Variants in TBC1D1 observed in about 807,000 individuals in gnomAD.
The protein encoded by TBC1D1 is TBC1 (tre-2/USP6, BUB2, cdc16) domain family, member 1.
A neutral mutation model predicts 125.6 loss-of-function variants in TBC1D1; 89 were observed. That is an observed-to-expected ratio of 0.71 (90% CI 0.60 to 0.85). The LOEUF (loss-of-function observed/expected upper bound fraction) is 0.85, where lower values mean the gene tolerates loss of function less well. Among genes scored for constraint, TBC1D1 ranks in the 40% least tolerant of loss-of-function variants. The pLI is 0.00. For synonymous variants in TBC1D1, 565 were observed against 564.1 expected (o/e 1.00, Z -0.02); for missense variants, 1,377 against 1,469.2 (o/e 0.94, Z 1.03).
At chr4:38,115,144 A>C (rs902821013) in intron 15 of TBC1D1, among the ~76,000 whole-genome samples, 2 of 140,368 alleles carry the variant, frequency 1.4e-5, no homozygotes, top group Non-Finnish European at 1.5e-5. Flanking sequence ...CTTGTCTCCC[A>C]GGCTGGAGTG....
chr4:37,986,823 A>C (rs1735568546), intron 2 of TBC1D1, among the ~76,000 whole-genome samples: 1 of 136,480 alleles, frequency 7.3e-6, no homozygotes, highest in Non-Finnish European at 1.6e-5. Flanking sequence ...AGGAAGCCTG[A>C]GTAGTCGGGT....
At chr4:38,062,634 C>T (rs1752978911) in intron 12 of TBC1D1, among the ~76,000 whole-genome samples, 2 of 151,540 alleles carry the variant, frequency 1.3e-5, no homozygotes, top group Admixed American at 1.3e-4. Context: ...CTGCGCCGCC[C>T]CCACACCCCA....
intron 2 of TBC1D1, among the ~76,000 whole-genome samples, chr4:37,934,817 A>G (rs1013820765): frequency 2.0e-5 from 3 of 152,160 alleles, no homozygotes; most frequent in Non-Finnish European, 2.9e-5. Context: ...TTGCTGCAGT[A>G]ACAAATGACC....
chr4:38,114,200 A>T (rs1762599905), intron 15 of TBC1D1, among the ~76,000 whole-genome samples: 1 of 152,182 alleles, frequency 6.6e-6, no homozygotes, highest in Non-Finnish European at 1.5e-5. Flanking sequence ...AACAGAGTGG[A>T]TAATTTGTTC....
At chr4:38,119,887 A>T (rs1415965565) in intron 17 of TBC1D1, 2 of 915,036 alleles carry the variant, frequency 2.2e-6, no homozygotes, top group East Asian at 2.4e-4. Context: ...GTCATCACTG[A>T]GTCATCTCTG....
chr4:37,938,065 TAG>T (rs1724767309), intron 2 of TBC1D1, among the ~76,000 whole-genome samples: 1 of 152,144 alleles, frequency 6.6e-6, no homozygotes, highest in African/African-American at 2.4e-5. Flanking sequence ...ATGTCTCTTG[TAG>T]AGAGTTCTGC....
intron 3 of TBC1D1, among the ~76,000 whole-genome samples, chr4:38,017,788 C>T (rs573766241): frequency 2.0e-5 from 3 of 152,092 alleles, no homozygotes; most frequent in East Asian, 3.9e-4. Context: ...CCTGCAGGGG[C>T]GTGTGCACAC....
intron 2 of TBC1D1, among the ~76,000 whole-genome samples, chr4:37,919,340 G>GTT (rs60078358): frequency 0.019 from 2,727 of 140,862 alleles, 34 homozygotes; most frequent in Middle Eastern, 0.043. Context: ...GTTTGTTTTT[G>GTT]TTTTTTTTTT....
In TBC1D1 at chr4:38,027,797, C is replaced by A. The variant is rs779404149; in HGVS notation, c.1220C>A (p.Ser407Tyr). The change falls in exon 7 of 20, where the codon TCT (serine) becomes TAT (tyrosine). Residue 407 changes from serine (S) to tyrosine (Y), a missense_variant. Coordinates refer to ENST00000261439, the MANE Select transcript of TBC1D1 (RefSeq NM_015173.4). ...TTTTTTCTCTTAATAGGAATGAATTCTTCCAAAACAAAACTAGAACTGCAA... is the reference window on the plus strand; with the variant it reads ...TTTTTTCTCTTAATAGGAATGAATTATTCCAAAACAAAACTAGAACTGCAA... 1.2e-5 allele frequency: 20 copies of A among 1,609,514 alleles called. No homozygotes were observed. The South Asian group carries it at 1.8e-4, about 14-fold the overall frequency.
intron 2 of TBC1D1, among the ~76,000 whole-genome samples, chr4:37,931,768 G>A (rs932722389): frequency 5.3e-5 from 8 of 152,236 alleles, no homozygotes; most frequent in Admixed American, 1.3e-4. Context: ...GAGCCACTGC[G>A]CCCGGCCTTT....
At chr4:38,011,117 C>A (rs150051872) in intron 2 of TBC1D1, among the ~76,000 whole-genome samples, 3 of 151,964 alleles carry the variant, frequency 2.0e-5, no homozygotes, top group Non-Finnish European at 4.4e-5. Context: ...TTTGGGAGGC[C>A]GAGGCGGGTG....
intron 13 of TBC1D1, among the ~76,000 whole-genome samples, chr4:38,095,015 G>C (rs1759095965): frequency 6.6e-6 from 1 of 152,096 alleles, no homozygotes; most frequent in Non-Finnish European, 1.5e-5. Context: ...CTGCAAGTGT[G>C]GGGGTCATTT....
intron 10 of TBC1D1, among the ~76,000 whole-genome samples, chr4:38,047,015 A>T (rs978395184): frequency 1.3e-5 from 2 of 152,242 alleles, no homozygotes; most frequent in African/African-American, 4.8e-5. Flanking sequence ...AGCACATTTA[A>T]CATTGTGGCG....
At chr4:37,938,903 ACTT>A (rs1171881101) in intron 2 of TBC1D1, among the ~76,000 whole-genome samples, 3 of 152,192 alleles carry the variant, frequency 2.0e-5, no homozygotes, top group African/African-American at 7.2e-5. Flanking sequence ...TATGGGCCAC[ACTT>A]TCTTAATCCA....
intron 2 of TBC1D1, chr4:37,952,282 G>A (rs1049988516): frequency 1.7e-5 from 9 of 545,014 alleles, no homozygotes; most frequent in South Asian, 4.4e-5. Flanking sequence ...TTTTCAGCAT[G>A]TGACTTAAAG....
intron 12 of TBC1D1, among the ~76,000 whole-genome samples, chr4:38,082,459 G>C (rs1756740084): frequency 6.6e-6 from 1 of 152,208 alleles, no homozygotes; most frequent in African/African-American, 2.4e-5. Flanking sequence ...TTAAGATTCT[G>C]GCTGAGGCGG....
At chr4:38,037,848 G>C (rs1450287662) in intron 8 of TBC1D1, among the ~76,000 whole-genome samples, 2 of 152,208 alleles carry the variant, frequency 1.3e-5, no homozygotes, top group African/African-American at 4.8e-5. Context: ...AAAAAACCCT[G>C]AATGAGTCTT....
At chr4:38,018,070 C>T (rs1480440855) in intron 3 of TBC1D1, among the ~76,000 whole-genome samples, 2 of 152,254 alleles carry the variant, frequency 1.3e-5, no homozygotes, top group South Asian at 4.1e-4. Flanking sequence ...TTCACTTATG[C>T]GGAGACCTCA....
chr4:38,052,721 C>CGCGT (rs758732780), intron 11 of TBC1D1, among the ~76,000 whole-genome samples: 1 of 75,194 alleles, frequency 1.3e-5, no homozygotes, highest in Non-Finnish European at 2.8e-5. Context: ...CACGCGCGCG[C>CGCGT]GCGCGCGCAC....
Sources: allele counts gnomAD v4.1 joint callset (sites outside exome capture counted in the v4.1 genomes callset), GRCh38; gene constraint gnomAD v4.1.1; transcripts MANE v1.5; gene names NCBI Gene and HGNC (gene_info 2026-07-23, HGNC 2026-07-21).